Variants in PKNOX2 observed in about 807,000 individuals in gnomAD.
The protein encoded by PKNOX2 is PBX/knotted 1 homeobox 2.
Under a neutral mutation model 53.1 loss-of-function variants are expected in PKNOX2, and 14 were observed. That is an observed-to-expected ratio of 0.26 (90% CI 0.17 to 0.41). PKNOX2 has a LOEUF of 0.41. PKNOX2 is among the 10% of genes least tolerant of loss of function. The pLI is 1.00. For missense variants in PKNOX2, 496 were observed against 602.8 expected, an observed-to-expected ratio of 0.82 and a Z score of 1.85; for synonymous variants, 257 against 242.8, an observed-to-expected ratio of 1.06 and a Z score of -0.54.
intron 2 of PKNOX2, among the ~76,000 whole-genome samples, chr11:125,245,088 T>C (rs1943456407): frequency 6.6e-6 from 1 of 152,218 alleles, no homozygotes; most frequent in South Asian, 2.1e-4. Context: ...GTGACCCATC[T>C]GGGACTCTCC....
intron 5 of PKNOX2, among the ~76,000 whole-genome samples, chr11:125,381,134 A>C (rs1470566366): frequency 1.3e-5 from 2 of 152,164 alleles, no homozygotes; most frequent in Non-Finnish European, 2.9e-5. Flanking sequence ...GGGTTTATCA[A>C]GTGGGCCAGG....
intron 2 of PKNOX2, among the ~76,000 whole-genome samples, chr11:125,322,382 TTTCG>T (rs1565496735): frequency 6.6e-6 from 1 of 152,154 alleles, no homozygotes; most frequent in East Asian, 1.9e-4. Flanking sequence ...GACTCTGCCC[TTTCG>T]TTCTACAGCC....
chr11:125,345,314 A>C (rs1950911390), intron 3 of PKNOX2, among the ~76,000 whole-genome samples: 1 of 151,936 alleles, frequency 6.6e-6, no homozygotes, highest in Admixed American at 6.6e-5. Context: ...GAGGTGACAA[A>C]CCCCTGCTCA....
chr11:125,407,747 C>CA (rs759942207), intron 7 of PKNOX2, among the ~76,000 whole-genome samples: 2,226 of 114,880 alleles, frequency 0.019, 20 homozygotes, highest in Non-Finnish European at 0.031. Context: ...TCTCAAAAAA[C>CA]AAACAAAAAA....
intron 2 of PKNOX2, among the ~76,000 whole-genome samples, chr11:125,303,959 G>T (rs1948249379): frequency 1.3e-5 from 2 of 152,320 alleles, no homozygotes; most frequent in South Asian, 2.1e-4. Flanking sequence ...TGGCCGGCCT[G>T]AGCTAGGAGG....
intron 2 of PKNOX2, among the ~76,000 whole-genome samples, chr11:125,303,809 G>T (rs564986148): frequency 6.6e-6 from 1 of 152,172 alleles, no homozygotes; most frequent in Admixed American, 6.5e-5. Context: ...AGGATGTGTC[G>T]TCTAAGGGGA....
chr11:125,233,015 A>T (rs989004539), intron 1 of PKNOX2, among the ~76,000 whole-genome samples: 6 of 152,008 alleles, frequency 3.9e-5, no homozygotes, highest in Non-Finnish European at 8.8e-5. Context: ...TACTAATTTG[A>T]TGGTTTAAAG....
intron 4 of PKNOX2, among the ~76,000 whole-genome samples, chr11:125,362,647 C>T (rs765252568): frequency 2.0e-5 from 3 of 152,134 alleles, no homozygotes; most frequent in Admixed American, 6.5e-5. Context: ...CTGAGATTAC[C>T]GGCATGAGCC....
At chr11:125,334,310 C>G (rs764439565) in intron 3 of PKNOX2, among the ~76,000 whole-genome samples, 1 of 152,164 alleles carries the variant, frequency 6.6e-6, no homozygotes, top group African/African-American at 2.4e-5. Context: ...CAAACATAAA[C>G]CTTAGTTCTC....
chr11:125,410,165 TTG>T, intron 7 of PKNOX2, 29 bp from the exon 8 acceptor site: 1 of 1,611,862 alleles, frequency 6.2e-7, no homozygotes, highest in Non-Finnish European at 8.5e-7. Flanking sequence ...CTCAGTGTCA[TTG>T]TCACAAACCA....
chr11:125,196,825 T>C (rs1355119936), intron 1 of PKNOX2, among the ~76,000 whole-genome samples: 2 of 152,188 alleles, frequency 1.3e-5, no homozygotes, highest in Admixed American at 1.3e-4. Flanking sequence ...GAAATATCCC[T>C]GATGATTAGT....
chr11:125,377,403 G>T (rs566271784), intron 5 of PKNOX2, among the ~76,000 whole-genome samples: 46 of 152,222 alleles, frequency 3.0e-4, no homozygotes, highest in Admixed American at 5.9e-4. Flanking sequence ...TGCACAGAAG[G>T]CATGTTGGCC....
At chr11:125,359,285 G>A (rs1418363235) in intron 4 of PKNOX2, among the ~76,000 whole-genome samples, 3 of 152,176 alleles carry the variant, frequency 2.0e-5, no homozygotes, top group Non-Finnish European at 2.9e-5. Flanking sequence ...AGCTTTTTCT[G>A]TGACTGTTAG....
chr11:125,285,982 G>A (rs1297978290), intron 2 of PKNOX2, among the ~76,000 whole-genome samples: 2 of 152,124 alleles, frequency 1.3e-5, no homozygotes, highest in Non-Finnish European at 2.9e-5. Context: ...GCCATGGTGG[G>A]AATATTATTC....
intron 4 of PKNOX2, among the ~76,000 whole-genome samples, chr11:125,364,583 A>G (rs551747648): frequency 6.6e-6 from 1 of 152,314 alleles, no homozygotes; most frequent in South Asian, 2.1e-4. Flanking sequence ...ACTCACTCCT[A>G]GTGGGCAGAG....
chr11:125,177,866 TG>T (rs1955817174), intron 1 of PKNOX2, among the ~76,000 whole-genome samples: 1 of 152,146 alleles, frequency 6.6e-6, no homozygotes, highest in Non-Finnish European at 1.5e-5. Flanking sequence ...AGCAGTGCTC[TG>T]GGTGTCTTGG....
In PKNOX2 at chr11:125,385,728, G is replaced by C. The variant is rs764845139; in HGVS notation, c.399+6G>C. On this transcript the variant is annotated splice_donor_region_variant and intron_variant, in intron 6 of 12. Coordinates refer to ENST00000298282, the MANE Select transcript of PKNOX2 (RefSeq NM_001382323.2). ...ACCCAGAACTGGACAATCTGGTAAA[G>C]ACCCTCCACCCTCTACCCTGGCTAG... The C allele has an allele frequency of 1.4e-5, 23 of 1,612,924 alleles. No individual in the cohort carries two copies. Among genetic ancestry groups the C allele is most frequent in the Middle Eastern group, 1.7e-4 (1 of 6,058 alleles).
chr11:125,182,749 A>G (rs1467885754), intron 1 of PKNOX2, among the ~76,000 whole-genome samples: 1 of 152,172 alleles, frequency 6.6e-6, no homozygotes, highest in Non-Finnish European at 1.5e-5. Flanking sequence ...GGCCCATTTC[A>G]TAGCACTGTC....
At chr11:125,379,259 A>G (rs1284336887) in intron 5 of PKNOX2, among the ~76,000 whole-genome samples, 1 of 151,916 alleles carries the variant, frequency 6.6e-6, no homozygotes, top group African/African-American at 2.4e-5. Flanking sequence ...ACAGGGTTTC[A>G]CCATGTTGAC....
Sources: allele counts gnomAD v4.1 joint callset (sites outside exome capture counted in the v4.1 genomes callset), GRCh38; gene constraint gnomAD v4.1.1; transcripts MANE v1.5; gene names NCBI Gene and HGNC (gene_info 2026-07-23, HGNC 2026-07-21).